Variants in PIEZO1 observed in about 807,000 individuals in gnomAD.
The protein encoded by PIEZO1 is piezo-type mechanosensitive ion channel component 1.
In PIEZO1, 296 loss-of-function variants were observed where a neutral mutation model predicts 297.2. The ratio of observed to expected loss-of-function variants is 1.00; its 90% confidence interval spans 0.91 to 1.10. The LOEUF (loss-of-function observed/expected upper bound fraction) is 1.10. Among genes scored for constraint, PIEZO1 ranks in the 50% least tolerant of loss-of-function variants. PIEZO1 has a pLI of 0.00. For synonymous variants in PIEZO1, 2,427 were observed against 1,507.5 expected, an observed-to-expected ratio of 1.61 and a Z score of -14.13; for missense variants, 5,018 against 3,455.5, an observed-to-expected ratio of 1.45 and a Z score of -11.34.
At position 88,725,617 on chromosome 16, in the gene PIEZO1, A is replaced by C. The variant is rs373732822; in HGVS notation, c.4036T>G (p.Ser1346Ala). Residue 1346 changes from serine (S) to alanine (A), a missense_variant, in exon 28 of 51, where the codon TCC (serine) becomes GCC (alanine). Ser to Ala is a moderately conservative substitution (Grantham distance 99). Transcript: ENST00000301015. ...TACTGTCTTTTCAGCTGGGCCAGGG[A>C]CTTCTCCTCTATCCTGCGGTGAAAG... ...IDFHRRIEEK[S>A]LAQLKRQMER... The C allele has an allele frequency of 1.5e-4, 235 of 1,549,248 alleles. 1 individual carries two copies. Among genetic ancestry groups the C allele is most frequent in the Admixed American group, 2.6e-4 (13 of 50,968 alleles).
intron 12 of PIEZO1, among the ~76,000 whole-genome samples, chr16:88,735,925 C>T (rs868049330): frequency 3.9e-5 from 6 of 152,324 alleles, no homozygotes; most frequent in Middle Eastern, 6.8e-3. Flanking sequence ...TGTCAGGGCA[C>T]AGGGGTGGTG....
chr16:88,721,749 C>T (rs936451685), intron 37 of PIEZO1, 23 bp from the exon 38 acceptor site: 17 of 1,535,120 alleles, frequency 1.1e-5, no homozygotes, highest in East Asian at 4.9e-5. Flanking sequence ...GGGCTCAGCA[C>T]GCGGGGAGGG....
chr16:88,760,674 G>A (rs937654629), intron 1 of PIEZO1, among the ~76,000 whole-genome samples: 1 of 150,244 alleles, frequency 6.7e-6, no homozygotes, highest in Non-Finnish European at 1.5e-5. Flanking sequence ...AGGAAGCCCA[G>A]GACAGGCAGG....
At position 88,721,526 on chromosome 16, in the gene PIEZO1, G is replaced by T. The variant is rs1312657760; in HGVS notation, c.5403+12C>A. ...GCCCAGCCCCGCATTGCCAGCCAAG[G>T]CTCACACTCACCAGCAGCTGGGAGC... On this transcript the variant is annotated intron_variant, in intron 38 of 50. Transcript: ENST00000301015. The T allele has an allele frequency of 4.5e-6, 7 of 1,546,862 alleles. No homozygotes were observed. The African/African-American group carries it at 9.6e-5, about 21-fold the overall frequency.
intron 22 of PIEZO1, 88 bp downstream of exon 22, chr16:88,731,618 G>A (rs1904813844): frequency 3.1e-5 from 31 of 998,690 alleles, no homozygotes; most frequent in Middle Eastern, 3.1e-4. Flanking sequence ...TAGGAGGGTG[G>A]ACAGGAGTCT....
chr16:88,726,486 C>A (rs1216648731), intron 26 of PIEZO1, 31 bp from the exon 27 acceptor site: 1 of 1,548,126 alleles, frequency 6.5e-7, no homozygotes, highest in Non-Finnish European at 8.7e-7. Context: ...AGGGTCAGGC[C>A]CAGGGCCCAG....
At chr16:88,754,660 T>G (rs894466962) in intron 1 of PIEZO1, among the ~76,000 whole-genome samples, 14 of 152,152 alleles carry the variant, frequency 9.2e-5, no homozygotes. Context: ...ACATGCTCCC[T>G]CCAGGAGCCA....
rs914987977 is a variant in PIEZO1, at chr16:88,727,093, C to A, written c.3401G>T (p.Arg1134Leu). ...WQRMAGVNTDRLEPLRGEPNP... is the reference protein window; with the variant it reads ...WQRMAGVNTDLLEPLRGEPNP... ...GGGCTCCCCCCGCAGCGGCTCCAGG[C>A]GGTCGGTGTTGACGCCAGCCATGCG... Residue 1134 changes from arginine to leucine, a missense_variant, in exon 24 of 51, where the codon CGC (arginine) becomes CTC (leucine). Coordinates refer to ENST00000301015, the MANE Select transcript of PIEZO1 (RefSeq NM_001142864.4). 2.1e-5 allele frequency: 32 copies of A among 1,549,724 alleles called. No individual in the cohort carries two copies. Among genetic ancestry groups the A allele is most frequent in the African/African-American group, 4.1e-5 (3 of 73,038 alleles).
Position 88,748,225 on chromosome 16 carries a change from A to G in PIEZO1, c.160+1159T>C, listed in dbSNP as rs1289298182. Among the ~76,000 whole-genome samples the G allele has an allele frequency of 5.3e-5, 3 of 56,374 alleles. No homozygotes were observed. In the Admixed American group the frequency reaches 5.8e-4, roughly 11 times the overall value. 37.0% of individuals were successfully genotyped at this position (56,374 alleles called of 152,430 possible). ...ACCAGCGGAGGGCCCGGCCCCACCC[A>G]CGTTTGGCCCATGGCCTTTGGGGAC... On this transcript the variant is annotated intron_variant, in intron 2 of 50. Transcript: ENST00000301015.
intron 47 of PIEZO1, 37 bp downstream of exon 47, chr16:88,716,522 C>T: frequency 6.5e-7 from 1 of 1,536,952 alleles, no homozygotes; most frequent in Non-Finnish European, 8.8e-7. Context: ...TGTAGTGGGT[C>T]CACCCACCCA....
In PIEZO1 at chr16:88,731,860, C is replaced by T. The variant is rs777818544; in HGVS notation, c.3042G>A (p.Leu1014=). The T allele has an allele frequency of 1.5e-5, 16 of 1,056,208 alleles. No individual in the cohort carries two copies. The highest frequency in any genetic ancestry group is 2.5e-4 in the Middle Eastern group (1 of 3,986). The allele number at this position is 1,056,208 out of a possible 1,614,324, so 65.4% of individuals were successfully genotyped here. Residue 1014 remains leucine (L), a synonymous_variant, in exon 22 of 51, where the codon CTG becomes CTA. Transcript: ENST00000301015. The part of the protein sequence containing the change: ...VNVIGQRMNF[L]VTLHGCWLVA... ...CCAGCCAGCAACCGTGCAGGGTCAC[C>T]AGAAAGTTCATGCGCTGCCCGATCA... is the stretch of plus-strand genomic sequence containing the variant.
At chr16:88,772,700 A>G (rs1907479098) in intron 1 of PIEZO1, among the ~76,000 whole-genome samples, 1 of 150,342 alleles carries the variant, frequency 6.7e-6, no homozygotes, top group African/African-American at 2.4e-5. Flanking sequence ...AATCGCTTGA[A>G]CCTGGGAGGC....
intron 2 of PIEZO1, among the ~76,000 whole-genome samples, chr16:88,747,823 G>A (rs973864185): frequency 6.6e-6 from 1 of 152,196 alleles, no homozygotes; most frequent in African/African-American, 2.4e-5. Flanking sequence ...GTTACCGCAG[G>A]GGAGAGGGAG....
rs1212238369 is a variant in PIEZO1 at position 88,742,113 on chromosome 16, G to A, written c.284-18C>T. The A allele has an allele frequency of 6.5e-7, 1 of 1,535,782 alleles. No homozygotes were observed. Among genetic ancestry groups the A allele is most frequent in the Non-Finnish European group, 8.7e-7 (1 of 1,146,716 alleles). ...GCGGCTGCCTGCAGAGAAAGACGGG[G>A]GAACCCAGGTCAGGCTCTGCCCAGC... On this transcript the variant is annotated intron_variant, in intron 3 of 50. Coordinates refer to ENST00000301015, the MANE Select transcript of PIEZO1 (RefSeq NM_001142864.4).
intron 1 of PIEZO1, among the ~76,000 whole-genome samples, chr16:88,749,992 C>G (rs1906302309): frequency 6.6e-6 from 1 of 151,758 alleles, no homozygotes; most frequent in Admixed American, 6.6e-5. Context: ...CACTGCACTC[C>G]AGCCTGGGCA....
intron 1 of PIEZO1, among the ~76,000 whole-genome samples, chr16:88,764,548 C>T (rs1408668988): frequency 5.3e-5 from 8 of 151,930 alleles, no homozygotes; most frequent in East Asian, 1.9e-4. Context: ...GTCAGGAGTT[C>T]GAGACCAGCC....
At chr16:88,776,905 C>G (rs1157086148) in intron 1 of PIEZO1, among the ~76,000 whole-genome samples, 1 of 152,188 alleles carries the variant, frequency 6.6e-6, no homozygotes, top group African/African-American at 2.4e-5. Context: ...GAGATCTGGG[C>G]CCGGCTCACT....
rs550707115 is a variant in PIEZO1, at chr16:88,733,975, C to G, written c.2260G>C (p.Glu754Gln). The change falls in exon 17 of 51, where the codon GAG (glutamate) becomes CAG (glutamine). Residue 754 changes from glutamate to glutamine, a missense_variant. Coordinates refer to ENST00000301015, the MANE Select transcript of PIEZO1 (RefSeq NM_001142864.4). ...CCCTCGTCCCTGGAGTCCTCCTCCTCCTCCTCCTCCTCCTGCTGCTGCTGC... is the reference window on the plus strand; with the variant it reads ...CCCTCGTCCCTGGAGTCCTCCTCCTGCTCCTCCTCCTCCTGCTGCTGCTGC... ...HQQQQQEEEEEEEDSRDEGLG... is the reference protein window; with the variant it reads ...HQQQQQEEEEQEEDSRDEGLG... The G allele has an allele frequency of 4.5e-5, 69 of 1,547,464 alleles. No individual in the cohort carries two copies. In the East Asian group the frequency reaches 1.7e-3, roughly 38 times the overall value.
intron 2 of PIEZO1, 120 bp from the exon 3 acceptor site, chr16:88,742,542 C>G: frequency 9.7e-7 from 1 of 1,033,016 alleles, no homozygotes; most frequent in East Asian, 2.7e-5. Flanking sequence ...GATGCAAACC[C>G]GCCATGGACT....
Sources: gnomAD v4.1 joint callset for allele counts (sites outside exome capture counted in the v4.1 genomes callset) on GRCh38, gnomAD v4.1.1 for gene constraint, MANE v1.5 for transcripts, NCBI Gene and HGNC (gene_info 2026-07-23, HGNC 2026-07-21) for gene names.